RTBDN: variants seen among roughly 807,000 people sequenced by gnomAD.
RTBDN encodes the protein retbindin.
RTBDN carries 24 observed loss-of-function variants against 21.9 expected under a neutral mutation model. The observed-to-expected ratio is 1.10, with a 90% CI of 0.79 to 1.54. RTBDN has a LOEUF of 1.54. Among genes scored for constraint, RTBDN ranks in the 40% most tolerant of loss-of-function variants. The probability of loss-of-function intolerance (pLI) is 0.00; values close to 1 mark genes in which losing one functional copy is unlikely to be tolerated. For missense variants in RTBDN, 325 were observed against 315.2 expected (o/e 1.03, Z -0.23); for synonymous variants, 141 against 125.9 (o/e 1.12, Z -0.80).
Position 12,826,810 on chromosome 19 carries a change from T to G in RTBDN, c.427A>C (p.Arg143=). 6.4e-7 allele frequency: 1 copy of G among 1,555,078 alleles called. No homozygotes were observed. Among genetic ancestry groups the G allele is most frequent in the South Asian group, 1.2e-5 (1 of 84,254 alleles). ...GPTWLPLSEK[R]GCEPSCLTYG... is the part of the protein sequence containing the mutation. ...GTAAGGCAGCTGGGCTCACAGCCCC[T>G]TTTTTCTGAGAGTGGGAGCCAAGTC... Residue 143 remains arginine (R), a synonymous_variant, in exon 5 of 6, where the codon AGG becomes CGG. Transcript: ENST00000674343.
upstream of RTBDN, chr19:12,834,634 G>A (rs1969695524): frequency 6.6e-7 from 1 of 1,507,112 alleles, no homozygotes; most frequent in Non-Finnish European, 8.9e-7. This position sits in a 1 kb window ranked among gnomAD's most constrained non-coding sequence, Gnocchi z 4.7. Flanking sequence ...GTGGGCGGGA[G>A]CGATTTTTAG....
chr19:12,832,816 G>C (rs1969626636), intron 1 of RTBDN: 1 of 152,208 alleles, frequency 6.6e-6, no homozygotes. Flanking sequence ...CGTCCAGCAG[G>C]GGTCGCTGTT....
Position 12,825,521 on chromosome 19 carries a change from A to T in RTBDN, c.*185T>A. 1 of 904,866 alleles carries T rather than the reference A, an allele frequency of 1.1e-6. No homozygotes were observed. The highest frequency in any genetic ancestry group is 1.6e-6 in the Non-Finnish European group (1 of 630,886). 56.1% of individuals were successfully genotyped at this position (904,866 alleles called of 1,614,324 possible). A position where few individuals can be genotyped will look rare whatever the true frequency, so the allele number is the denominator to read the frequency against. On this transcript the variant is annotated 3_prime_UTR_variant, in exon 6 of 6. Transcript: ENST00000674343. The stretch of plus-strand genomic sequence containing the variant: ...ACTTTATTCAAAGGGGAGAGGGAAA[A>T]GTGAGAGAGTTGGGTCATTTCTGGG...
chr19:12,829,621 C>T (rs1317337639), intron 2 of RTBDN, among the ~76,000 whole-genome samples, 190 bp downstream of exon 2: 1 of 152,274 alleles, frequency 6.6e-6, no homozygotes, highest in African/African-American at 2.4e-5. Context: ...GATCACACAG[C>T]TACAAAGTGG....
At chr19:12,828,615 G>A (rs1225515491) in intron 4 of RTBDN, 42 bp downstream of exon 4, 3 of 1,497,962 alleles carry the variant, frequency 2.0e-6, no homozygotes, top group African/African-American at 1.4e-5. Flanking sequence ...CCTCTTCCCC[G>A]CCCAAGTCAC....
intron 2 of RTBDN, 54 bp downstream of exon 2, chr19:12,829,757 G>A: frequency 2.6e-6 from 4 of 1,552,512 alleles, no homozygotes; most frequent in Non-Finnish European, 3.5e-6. Flanking sequence ...TGTCATGGCA[G>A]GGTAGGTGTG....
At chr19:12,829,088 C>T (rs1475204156) in intron 2 of RTBDN, 135 bp from the exon 3 acceptor site, 1 of 1,402,414 alleles carries the variant, frequency 7.1e-7, no homozygotes, top group Non-Finnish European at 9.5e-7. Context: ...AAGACCCTTC[C>T]TTTGGAATGC....
intron 4 of RTBDN, among the ~76,000 whole-genome samples, chr19:12,828,345 G>T: frequency 6.6e-6 from 1 of 151,488 alleles, no homozygotes; most frequent in East Asian, 1.9e-4. Context: ...GCAGTGAGCC[G>T]AGATTGCACC....
In RTBDN at chr19:12,830,271, G is replaced by C. The variant is rs78880828; in HGVS notation, c.-18-274C>G. ...ACAGTGGCCCTCCTCCCATCCAGCA[G>C]GATCTCCCACCTTTTTAGTCTTCAA... On this transcript the variant is annotated intron_variant, in intron 1 of 5. Transcript: ENST00000674343. The surrounding 1 kb of genome is among the most constrained non-coding windows in gnomAD (Gnocchi z 4.2). 4.9e-3 allele frequency: 5,860 copies of C among 1,196,258 alleles called. 230 individuals carry two copies. The African/African-American group carries it at 0.082, about 17-fold the overall frequency. 74.1% of individuals were successfully genotyped at this position (1,196,258 alleles called of 1,614,324 possible).
At chr19:12,829,754 G>T in intron 2 of RTBDN, 57 bp downstream of exon 2, 1 of 1,541,804 alleles carries the variant, frequency 6.5e-7, no homozygotes. Context: ...CATTGTCATG[G>T]CAGGGTAGGT....
Position 12,829,833 on chromosome 19 carries a change from G to C in RTBDN, c.147C>G (p.Gly49=). Residue 49 remains glycine (G), a synonymous_variant, in exon 2 of 6, where the codon GGC becomes GGG. Coordinates refer to ENST00000674343, the MANE Select transcript of RTBDN (RefSeq NM_001270441.2). The stretch of plus-strand genomic sequence containing the variant: ...CACCTGCCAGGTGCAGCTTGCCTTT[G>C]CCCAGATCAGCTGCCAGCCCATGGT... ...QQHHGLAADL[G]KGKLHLAGPC... 6.2e-7 allele frequency: 1 copy of C among 1,613,404 alleles called. No homozygotes were observed. Among genetic ancestry groups the C allele is most frequent in the African/African-American group, 1.3e-5 (1 of 75,042 alleles).
Position 12,829,854 on chromosome 19 carries a change from A to T in RTBDN, c.126T>A (p.His42Gln). 6.2e-7 allele frequency: 1 copy of T among 1,614,014 alleles called. No homozygotes were observed. The highest frequency in any genetic ancestry group is 8.5e-7 in the Non-Finnish European group (1 of 1,179,874). Residue 42 changes from histidine (H) to glutamine (Q), a missense_variant, in exon 2 of 6, where the codon CAT becomes CAA. Transcript: ENST00000674343. ...CTTTGCCCAGATCAGCTGCCAGCCCATGGTGTTGCTGGGACCTGGCTTGGA... is the reference window on the plus strand; with the variant it reads ...CTTTGCCCAGATCAGCTGCCAGCCCTTGGTGTTGCTGGGACCTGGCTTGGA... The part of the protein sequence containing the change: ...RPLQARSQQH[H>Q]GLAADLGKGK...
At position 12,830,624 on chromosome 19, in the gene RTBDN, T is replaced by C. The variant is rs1254508057; in HGVS notation, c.-18-627A>G. On this transcript the variant is annotated intron_variant, in intron 1 of 5. Coordinates refer to ENST00000674343, the MANE Select transcript of RTBDN (RefSeq NM_001270441.2). This position sits in a 1 kb window ranked among gnomAD's most constrained non-coding sequence, Gnocchi z 4.2. ...TTCAGCCCCTCACCTGTTGGCTGGA[T>C]TGGGGTCTAGAGGCCGCTAAGACAC... 3.0e-6 allele frequency: 3 copies of C among 985,434 alleles called. No individual in the cohort carries two copies. In the African/African-American group the frequency reaches 5.2e-5, roughly 17 times the overall value. 61.0% of individuals were successfully genotyped at this position (985,434 alleles called of 1,614,324 possible). A position where few individuals can be genotyped will look rare whatever the true frequency, so the allele number is the denominator to read the frequency against.
At position 12,834,497 on chromosome 19, in the gene RTBDN, C is replaced by T. The variant is rs1969690442; in HGVS notation, c.-27G>A. 4 of 1,535,336 alleles carry T rather than the reference C, an allele frequency of 2.6e-6. No homozygotes were observed. The highest frequency in any genetic ancestry group is 3.5e-6 in the Non-Finnish European group (4 of 1,146,428). ...CTGCGTCCCCCACGCACCTGCCTGG[C>T]CATCAGGATTCTTCCTACTGCCCTA... On this transcript the variant is annotated 5_prime_UTR_variant, in exon 1 of 6. Transcript: ENST00000674343. This position sits in a 1 kb window ranked among gnomAD's most constrained non-coding sequence, Gnocchi z 4.7.
chr19:12,826,642 T>G, intron 5 of RTBDN, 133 bp downstream of exon 5: 1 of 746,712 alleles, frequency 1.3e-6, no homozygotes. Context: ...TGCATCGAGC[T>G]GAGATCGCGC....
upstream of RTBDN, chr19:12,835,206 C>A (rs1969713017): frequency 2.7e-6 from 3 of 1,098,636 alleles, no homozygotes; most frequent in African/African-American, 1.5e-5. Context: ...ACCTTCCAGG[C>A]GTCTGGGTAA....
chr19:12,828,067 T>C (rs1435352812), intron 4 of RTBDN, among the ~76,000 whole-genome samples: 1 of 140,152 alleles, frequency 7.1e-6, no homozygotes, highest in East Asian at 2.1e-4. Context: ...CACTCCAGCC[T>C]GGGCGACAAG....
intron 5 of RTBDN, 162 bp from the exon 6 acceptor site, chr19:12,826,095 T>A: frequency 7.2e-7 from 1 of 1,398,186 alleles, no homozygotes; most frequent in East Asian, 2.8e-5. Flanking sequence ...GGCAGGTCCT[T>A]GGGGAGGGTG....
At chr19:12,827,733 G>A (rs981936701) in intron 4 of RTBDN, among the ~76,000 whole-genome samples, 3 of 152,018 alleles carry the variant, frequency 2.0e-5, no homozygotes, top group African/African-American at 7.3e-5. Context: ...CCTCTCAAAC[G>A]ACTGAGATTA....
Sources: allele counts gnomAD v4.1 joint callset (sites outside exome capture counted in the v4.1 genomes callset), GRCh38; gene constraint gnomAD v4.1.1; non-coding constraint Gnocchi (gnomAD v3.1); transcripts MANE v1.5; gene names NCBI Gene and HGNC (gene_info 2026-07-23, HGNC 2026-07-21).